The following AK4 variants were observed in gnomAD, a reference collection of about 807,000 sequenced individuals.
The protein encoded by AK4 is adenylate kinase 4, mitochondrial.
A neutral mutation model predicts 24.6 loss-of-function variants in AK4; 13 were observed. The observed-to-expected ratio is 0.53, with a 90% CI of 0.34 to 0.84. AK4 has a LOEUF of 0.84. Ranked by LOEUF, AK4 falls within the 40% of genes least tolerant of loss-of-function variation. The probability of loss-of-function intolerance (pLI) is 0.01; values close to 1 mark genes in which losing one functional copy is unlikely to be tolerated. For synonymous variants in AK4, 88 were observed against 107.0 expected, an observed-to-expected ratio of 0.82 and a Z score of 1.10; for missense variants, 192 against 288.2, an observed-to-expected ratio of 0.67 and a Z score of 2.42.
chr1:65,184,124 T>A (rs1425157084), intron 1 of AK4, among the ~76,000 whole-genome samples: 1 of 152,228 alleles, frequency 6.6e-6, no homozygotes, highest in African/African-American at 2.4e-5. Flanking sequence ...TTTCTCAAGG[T>A]TACCAAGATT....
At chr1:65,204,409 C>T (rs1651754389) in intron 2 of AK4, among the ~76,000 whole-genome samples, 1 of 152,056 alleles carries the variant, frequency 6.6e-6, no homozygotes, top group African/African-American at 2.4e-5. Flanking sequence ...CCATATTGGG[C>T]AGGCTGGTCT....
chr1:65,192,876 T>C (rs568002842), intron 2 of AK4, among the ~76,000 whole-genome samples: 3 of 152,354 alleles, frequency 2.0e-5, no homozygotes, highest in African/African-American at 7.2e-5. Flanking sequence ...GACTCCATAT[T>C]CTGCCTCCTG....
intron 2 of AK4, among the ~76,000 whole-genome samples, chr1:65,214,157 G>A (rs1652053208): frequency 6.6e-6 from 1 of 152,106 alleles, no homozygotes; most frequent in South Asian, 2.1e-4. Flanking sequence ...TGTTGCCCAG[G>A]CTGGAGTGTA....
At chr1:65,169,560 A>G (rs1650442681) in intron 1 of AK4, among the ~76,000 whole-genome samples, 1 of 152,168 alleles carries the variant, frequency 6.6e-6, no homozygotes, top group Non-Finnish European at 1.5e-5. Flanking sequence ...ACAGATTCAT[A>G]TATATTGACA....
chr1:65,166,317 TGTGTGTGTGTG>T (rs1557441595), intron 1 of AK4, among the ~76,000 whole-genome samples: 88 of 122,018 alleles, frequency 7.2e-4, no homozygotes, highest in African/African-American at 2.7e-3. Context: ...AAGCTGTGTG[TGTGTGTGTGTG>T]TGTGTGTGTG....
intron 1 of AK4, among the ~76,000 whole-genome samples, chr1:65,151,539 C>G (rs1400156013): frequency 6.6e-6 from 1 of 152,172 alleles, no homozygotes; most frequent in African/African-American, 2.4e-5. Flanking sequence ...CTGCACCTGG[C>G]CCATTCTTGG....
At chr1:65,213,522 A>G (rs774972489) in intron 2 of AK4, among the ~76,000 whole-genome samples, 4 of 152,168 alleles carry the variant, frequency 2.6e-5, no homozygotes, top group African/African-American at 9.7e-5. Context: ...TGGGTGGATG[A>G]GGGCCTTTCT....
chr1:65,172,324 A>G (rs1285897636), intron 1 of AK4, among the ~76,000 whole-genome samples: 1 of 151,518 alleles, frequency 6.6e-6, no homozygotes, highest in Non-Finnish European at 1.5e-5. Context: ...GGGAGGGGAG[A>G]TTCTTGTCTC....
intron 1 of AK4, among the ~76,000 whole-genome samples, chr1:65,164,918 A>G (rs1650281648): frequency 6.6e-6 from 1 of 152,216 alleles, no homozygotes. Context: ...TGAAGGTTCT[A>G]GAGTGAAACT....
intron 1 of AK4, among the ~76,000 whole-genome samples, chr1:65,176,455 G>A (rs891174222): frequency 2.0e-5 from 3 of 152,098 alleles, no homozygotes; most frequent in South Asian, 2.1e-4. Context: ...GATGATTCAG[G>A]CCTGAGTTCC....
At chr1:65,158,656 A>G (rs1650054149) in intron 1 of AK4, among the ~76,000 whole-genome samples, 1 of 152,070 alleles carries the variant, frequency 6.6e-6, no homozygotes. Flanking sequence ...TCCTGCCACC[A>G]TGACCTGCTA....
chr1:65,181,971 A>G (rs1223216382), intron 1 of AK4, among the ~76,000 whole-genome samples: 1 of 152,158 alleles, frequency 6.6e-6, no homozygotes, highest in Admixed American at 6.5e-5. Flanking sequence ...GCTGGAGTGC[A>G]GTGGCGCAGT....
intron 1 of AK4, among the ~76,000 whole-genome samples, chr1:65,177,201 G>C (rs1487273529): frequency 6.6e-6 from 1 of 151,718 alleles, no homozygotes; most frequent in South Asian, 2.1e-4. Flanking sequence ...TTGAAGACGG[G>C]TGTATTCCAT....
At chr1:65,165,570 A>T (rs1201781710) in intron 1 of AK4, among the ~76,000 whole-genome samples, 1 of 152,090 alleles carries the variant, frequency 6.6e-6, no homozygotes, top group East Asian at 1.9e-4. Context: ...GGAAAAAAAA[A>T]AAAAAAGGAA....
At chr1:65,214,940 C>G (rs11579215) in intron 2 of AK4, among the ~76,000 whole-genome samples, 50,958 of 151,980 alleles carry the variant, frequency 0.34, 9,304 homozygotes, top group East Asian at 0.69. Context: ...TTGTTACCTA[C>G]TTAGAAGTAG....
chr1:65,209,435 A>G (rs1271929274), intron 2 of AK4, among the ~76,000 whole-genome samples: 2 of 152,198 alleles, frequency 1.3e-5, no homozygotes, highest in Non-Finnish European at 2.9e-5. Context: ...AATTCTCTCT[A>G]AATGGAAAAA....
Position 65,151,836 on chromosome 1 carries a change from G to C in AK4, c.145+3284G>C, listed in dbSNP as rs562152067. 3.3e-5 allele frequency among the ~76,000 whole-genome samples: 5 copies of C among 152,296 alleles called. No homozygotes were observed. The East Asian group carries it at 7.7e-4, about 24-fold the overall frequency. ...CCATTGGCCCTTCCTACACTGCCTA[G>C]AGTGGTACAGGCTGAGGCTTATCAG... On this transcript the variant is annotated intron_variant, in intron 1 of 4. Coordinates refer to ENST00000327299, the MANE Select transcript of AK4 (RefSeq NM_013410.4).
chr1:65,206,593 G>A (rs72677699), intron 2 of AK4, among the ~76,000 whole-genome samples: 2,416 of 152,300 alleles, frequency 0.016, 33 homozygotes, highest in Non-Finnish European at 0.026. Context: ...ACGTGCGTGC[G>A]CACACACACA....
intron 1 of AK4, among the ~76,000 whole-genome samples, chr1:65,169,838 G>A (rs1037047366): frequency 5.3e-5 from 8 of 152,014 alleles, no homozygotes; most frequent in Admixed American, 3.9e-4. Context: ...ATGTTTAAAA[G>A]TATTGCATTA....
Sources: allele counts gnomAD v4.1 joint callset (sites outside exome capture counted in the v4.1 genomes callset), GRCh38; gene constraint gnomAD v4.1.1; transcripts MANE v1.5; gene names NCBI Gene and HGNC (gene_info 2026-07-23, HGNC 2026-07-21).